Variants in RPN2 observed in about 807,000 individuals in gnomAD.
RPN2 encodes ribophorin II, also known as dolichyl-diphosphooligosaccharide--protein glycosyltransferase subunit 2.
Under a neutral mutation model 71.4 loss-of-function variants are expected in RPN2, and 29 were observed. That is an observed-to-expected ratio of 0.41 (90% confidence interval 0.30 to 0.55). The LOEUF (loss-of-function observed/expected upper bound fraction) is 0.55, where lower values mean the gene tolerates loss of function less well. Among genes scored for constraint, RPN2 ranks in the 20% least tolerant of loss-of-function variants. The pLI is 0.35. For synonymous variants in RPN2, 308 were observed against 305.0 expected (o/e 1.01, Z -0.10); for missense variants, 726 against 774.1 (o/e 0.94, Z 0.74).
chr20:37,198,292 C>T (rs2067297709), intron 2 of RPN2, 105 bp from the exon 3 acceptor site: 1 of 1,590,476 alleles, frequency 6.3e-7, no homozygotes, highest in Non-Finnish European at 8.6e-7. Flanking sequence ...TAGCTCATTC[C>T]TTAAGCCATC....
chr20:37,223,220 T>G (rs2068001261), intron 9 of RPN2, among the ~76,000 whole-genome samples: 1 of 152,152 alleles, frequency 6.6e-6, no homozygotes, highest in African/African-American at 2.4e-5. Flanking sequence ...GGCAGGGAAG[T>G]AGAATTCTAC....
intron 11 of RPN2, among the ~76,000 whole-genome samples, chr20:37,226,770 C>G (rs2068086815): frequency 6.6e-6 from 1 of 152,140 alleles, no homozygotes; most frequent in African/African-American, 2.4e-5. Flanking sequence ...AATATGGCCC[C>G]ATGTCCACTC....
rs529203920 is a variant in RPN2 at position 37,241,501 on chromosome 20, G to C, written c.*186G>C. 7 of 676,818 alleles carry C rather than the reference G, an allele frequency of 1.0e-5. No individual in the cohort carries two copies. The highest frequency in any genetic ancestry group is 3.7e-5 in the African/African-American group (2 of 54,772). The allele number at this position is 676,818 out of a possible 1,614,324, so 41.9% of individuals were successfully genotyped here. A position where few individuals can be genotyped will look rare whatever the true frequency, so the allele number is the denominator to read the frequency against. On this transcript the variant is annotated 3_prime_UTR_variant, in exon 17 of 17. Coordinates refer to ENST00000237530, the MANE Select transcript of RPN2 (RefSeq NM_002951.5). ...ACACAGCAGATACCTGGTGAGCTCAGATAGTCTCTTTCTCTGACACTGTGT... is the reference window on the plus strand; with the variant it reads ...ACACAGCAGATACCTGGTGAGCTCACATAGTCTCTTTCTCTGACACTGTGT...
At chr20:37,241,277 C>A (rs2068542327) in intron 16 of RPN2, 26 bp from the exon 17 acceptor site, 6 of 1,611,744 alleles carry the variant, frequency 3.7e-6, no homozygotes, top group Non-Finnish European at 5.1e-6. Flanking sequence ...TTCAGTAATT[C>A]TGTGTTTGTC....
intron 10 of RPN2, among the ~76,000 whole-genome samples, chr20:37,224,410 C>A (rs895432283): frequency 3.9e-5 from 6 of 152,180 alleles, no homozygotes; most frequent in African/African-American, 1.4e-4. Context: ...AATGGCAAGT[C>A]TCTCTGGCCT....
rs11906396 is a variant in RPN2 at position 37,197,064 on chromosome 20, G to A, written c.208-1333G>A. 4.1e-3 allele frequency among the ~76,000 whole-genome samples: 620 copies of A among 152,228 alleles called. 8 individuals are homozygous for A. The highest frequency in any genetic ancestry group is 0.014 in the African/African-American group (600 of 41,516). ...GGAAGGACAAGGAAAAGGTGCTCCC[G>A]GCAGGGTGGGTAGCAGGGTCAAACA... On this transcript the variant is annotated intron_variant, in intron 2 of 16. Coordinates refer to ENST00000237530, the MANE Select transcript of RPN2 (RefSeq NM_002951.5).
intron 12 of RPN2, 91 bp from the exon 13 acceptor site, chr20:37,229,882 T>C (rs1253315947): frequency 3.0e-6 from 3 of 986,740 alleles, no homozygotes; most frequent in Admixed American, 1.7e-5. Context: ...TTTTCAGTTA[T>C]GGTCTTAGAT....
At chr20:37,213,113 A>G (rs928881341) in intron 8 of RPN2, among the ~76,000 whole-genome samples, 1 of 152,046 alleles carries the variant, frequency 6.6e-6, no homozygotes, top group African/African-American at 2.4e-5. Flanking sequence ...TCGTACACCA[A>G]CCTCTTTGTA....
intron 9 of RPN2, among the ~76,000 whole-genome samples, chr20:37,220,185 G>C (rs1447210996): frequency 1.3e-5 from 2 of 149,172 alleles, no homozygotes; most frequent in African/African-American, 4.9e-5. Context: ...GTGTGTGTTT[G>C]TGTGTGTGTG....
At chr20:37,181,743 A>G (rs1381815956) in intron 1 of RPN2, among the ~76,000 whole-genome samples, 2 of 152,096 alleles carry the variant, frequency 1.3e-5, no homozygotes, top group East Asian at 1.9e-4. Context: ...TTCTTAGCAT[A>G]GTTTCCCACC....
At chr20:37,230,208 C>A in intron 13 of RPN2, 149 bp downstream of exon 13, 1 of 724,714 alleles carries the variant, frequency 1.4e-6, no homozygotes, top group East Asian at 2.5e-5. Context: ...ATGGCAGCCC[C>A]ATCCTTGAAC....
chr20:37,207,244 G>A, intron 6 of RPN2, 29 bp from the exon 7 acceptor site: 2 of 1,594,130 alleles, frequency 1.3e-6, no homozygotes, highest in Non-Finnish European at 1.7e-6. Flanking sequence ...CAGAGGAAGA[G>A]AAACAGCTGC....
intron 2 of RPN2, among the ~76,000 whole-genome samples, chr20:37,188,620 C>T (rs1458442348): frequency 1.4e-5 from 2 of 143,106 alleles, no homozygotes; most frequent in Non-Finnish European, 1.5e-5. Context: ...CAATTGGTGT[C>T]TTTTTTTTTT....
At chr20:37,235,051 C>G (rs1201862416) in intron 15 of RPN2, among the ~76,000 whole-genome samples, 1 of 152,120 alleles carries the variant, frequency 6.6e-6, no homozygotes, top group Non-Finnish European at 1.5e-5. Flanking sequence ...TAAACAGATT[C>G]TGTAGGGGTG....
At chr20:37,207,578 G>T in intron 7 of RPN2, 129 bp downstream of exon 7, 1 of 874,096 alleles carries the variant, frequency 1.1e-6, no homozygotes, top group South Asian at 1.4e-5. Context: ...GGAGGGCAAG[G>T]CTCATTTCCC....
chr20:37,209,991 A>G (rs1232132422), intron 7 of RPN2, 56 bp from the exon 8 acceptor site: 1 of 1,604,808 alleles, frequency 6.2e-7, no homozygotes, highest in African/African-American at 1.3e-5. Flanking sequence ...CCCAGAAACA[A>G]AATTCTCTGC....
intron 1 of RPN2, among the ~76,000 whole-genome samples, chr20:37,181,370 CA>C (rs1220894258): frequency 1.3e-5 from 2 of 151,724 alleles, no homozygotes; most frequent in Non-Finnish European, 2.9e-5. Flanking sequence ...TTGCTGATCT[CA>C]AAAAACACTG....
intron 10 of RPN2, among the ~76,000 whole-genome samples, chr20:37,224,330 G>A (rs750211395): frequency 2.6e-5 from 4 of 152,226 alleles, no homozygotes; most frequent in African/African-American, 4.8e-5. Flanking sequence ...AATGAAGGAA[G>A]CAAGGTATTA....
rs145583423 is a variant in RPN2, at chr20:37,226,254, G to A, written c.1299+452G>A. ...TGCCCAGCTAATTTTTGTATTTTTA[G>A]CAGAGACAGGGTTTCACCATGTTGG... On this transcript the variant is annotated intron_variant, in intron 11 of 16. Transcript: ENST00000237530. Among the ~76,000 whole-genome samples, 713 of 152,206 alleles carry A rather than the reference G, an allele frequency of 4.7e-3. 10 individuals carry two copies. The highest frequency in any genetic ancestry group is 0.03 in the East Asian group (157 of 5,172).
Sources: gnomAD v4.1 joint callset for allele counts (sites outside exome capture counted in the v4.1 genomes callset) on GRCh38, gnomAD v4.1.1 for gene constraint, MANE v1.5 for transcripts, NCBI Gene and HGNC (gene_info 2026-07-23, HGNC 2026-07-21) for gene names.